The following SNTG1 variants were observed in gnomAD, a reference collection of about 807,000 sequenced individuals.
SNTG1 encodes the protein syntrophin gamma 1.
SNTG1 carries 39 observed loss-of-function variants against 74.7 expected under a neutral mutation model. That is an observed-to-expected ratio of 0.52 (90% CI 0.40 to 0.68). The LOEUF (loss-of-function observed/expected upper bound fraction) is 0.68, where lower values mean the gene tolerates loss of function less well. Ranked by LOEUF, SNTG1 falls within the 30% of genes least tolerant of loss-of-function variation. The probability of loss-of-function intolerance (pLI) is 0.00; values close to 1 mark genes in which losing one functional copy is unlikely to be tolerated. For synonymous variants in SNTG1, 254 were observed against 217.1 expected, an observed-to-expected ratio of 1.17 and a Z score of -1.49; for missense variants, 685 against 609.5, an observed-to-expected ratio of 1.12 and a Z score of -1.30.
At chr8:50,280,891 C>G (rs952704470) in intron 2 of SNTG1, among the ~76,000 whole-genome samples, 1 of 150,222 alleles carries the variant, frequency 6.7e-6, no homozygotes, top group East Asian at 2.0e-4. Flanking sequence ...AGGTGGCTCA[C>G]GCCTGTAATC....
intron 4 of SNTG1, among the ~76,000 whole-genome samples, chr8:50,425,651 G>A (rs191858241): frequency 2.3e-4 from 35 of 152,174 alleles, no homozygotes; most frequent in East Asian, 2.1e-3. Context: ...TGGAAAAATC[G>A]TTTTCCATGA....
intron 17 of SNTG1, among the ~76,000 whole-genome samples, chr8:50,735,333 G>T (rs146856021): frequency 6.6e-6 from 1 of 151,814 alleles, no homozygotes; most frequent in East Asian, 2.0e-4. Flanking sequence ...CCAATCTAAA[G>T]GAGCATGTTC....
chr8:50,368,714 C>T (rs2092188239), intron 2 of SNTG1, among the ~76,000 whole-genome samples: 1 of 152,056 alleles, frequency 6.6e-6, no homozygotes, highest in Admixed American at 6.6e-5. Context: ...AGCTGTTAAC[C>T]AAATGGTTGG....
chr8:50,006,945 G>A (rs561250421), intron 1 of SNTG1, among the ~76,000 whole-genome samples: 68 of 152,226 alleles, frequency 4.5e-4, no homozygotes, highest in Middle Eastern at 6.8e-3. Context: ...CTAGGGTAGG[G>A]GAGTCTTAGG....
At chr8:50,517,601 C>A (rs1585547161) in intron 9 of SNTG1, among the ~76,000 whole-genome samples, 2 of 68,172 alleles carry the variant, frequency 2.9e-5, no homozygotes, top group Non-Finnish European at 2.6e-5. Context: ...GAATATTTAC[C>A]AAGCAAATGG....
intron 5 of SNTG1, among the ~76,000 whole-genome samples, chr8:50,441,920 A>G (rs971974604): frequency 6.6e-6 from 1 of 152,214 alleles, no homozygotes. Context: ...TATAACAGGA[A>G]TGTTTTACCA....
At chr8:50,670,950 C>G (rs1016077961) in intron 15 of SNTG1, among the ~76,000 whole-genome samples, 2 of 151,232 alleles carry the variant, frequency 1.3e-5, no homozygotes, top group Non-Finnish European at 3.0e-5. Flanking sequence ...GGAAAGGATT[C>G]CCTATTTAAT....
chr8:50,148,838 G>C (rs1473827423), intron 1 of SNTG1, among the ~76,000 whole-genome samples: 1 of 152,152 alleles, frequency 6.6e-6, no homozygotes, highest in Admixed American at 6.5e-5. Context: ...TTGCTATTGT[G>C]AATAGTGCTG....
intron 13 of SNTG1, among the ~76,000 whole-genome samples, chr8:50,599,012 G>T (rs914034436): frequency 2.0e-5 from 3 of 151,900 alleles, no homozygotes; most frequent in Admixed American, 2.0e-4. Context: ...TATTTATTGG[G>T]TGCAAGAGGT....
At chr8:50,394,023 TG>T (rs2092696475) in intron 2 of SNTG1, among the ~76,000 whole-genome samples, 188 bp from the exon 3 acceptor site, 1 of 152,200 alleles carries the variant, frequency 6.6e-6, no homozygotes, top group Non-Finnish European at 1.5e-5. Context: ...TCCTAAAAGC[TG>T]GGGATTAAGA....
Position 50,085,898 on chromosome 8 carries a change from G to A in SNTG1, c.-102-86663G>A, listed in dbSNP as rs150559047. On this transcript the variant is annotated intron_variant, in intron 1 of 18. Coordinates refer to ENST00000642720, the MANE Select transcript of SNTG1 (RefSeq NM_018967.5). ...CACTGAAATCGGAATCTCTGACACT[G>A]GGGCCTTGTCAATGGTATCTTTTAT... 4.9e-3 allele frequency among the ~76,000 whole-genome samples: 740 copies of A among 152,246 alleles called. 4 individuals carry two copies. Among genetic ancestry groups the A allele is most frequent in the African/African-American group, 0.015 (619 of 41,532 alleles).
chr8:50,634,627 G>T (rs2095026974), intron 13 of SNTG1, among the ~76,000 whole-genome samples: 1 of 152,134 alleles, frequency 6.6e-6, no homozygotes, highest in African/African-American at 2.4e-5. Context: ...TCACAACAAA[G>T]ATATTGAAAT....
chr8:50,279,147 C>T (rs2088290258), intron 2 of SNTG1, among the ~76,000 whole-genome samples: 1 of 151,930 alleles, frequency 6.6e-6, no homozygotes, highest in African/African-American at 2.4e-5. Flanking sequence ...TGGTCGACAC[C>T]TAAATAATTT....
At chr8:50,771,677 A>G (rs1455521586) in intron 18 of SNTG1, among the ~76,000 whole-genome samples, 1 of 152,044 alleles carries the variant, frequency 6.6e-6, no homozygotes, top group Non-Finnish European at 1.5e-5. Context: ...AATAATGGGG[A>G]AAATCCCTAA....
chr8:50,603,110 A>G (rs866786143), intron 13 of SNTG1, among the ~76,000 whole-genome samples: 9 of 152,124 alleles, frequency 5.9e-5, no homozygotes, highest in Non-Finnish European at 1.3e-4. Flanking sequence ...TTCCACTCTT[A>G]TCTCTTTCTC....
intron 2 of SNTG1, among the ~76,000 whole-genome samples, chr8:50,180,034 T>A (rs180816546): frequency 3.0e-4 from 45 of 152,204 alleles, no homozygotes; most frequent in South Asian, 6.2e-4. Context: ...CAACCCTAAC[T>A]GTTCATAGAT....
intron 17 of SNTG1, among the ~76,000 whole-genome samples, chr8:50,735,600 C>G (rs1301244534): frequency 6.6e-6 from 1 of 151,868 alleles, no homozygotes; most frequent in Non-Finnish European, 1.5e-5. Context: ...ATGATCGAAG[C>G]CTCCAAGAAA....
chr8:50,618,605 C>A (rs2094900083), intron 13 of SNTG1, among the ~76,000 whole-genome samples: 2 of 152,166 alleles, frequency 1.3e-5, no homozygotes, highest in South Asian at 4.1e-4. Context: ...AGGCTGCAAT[C>A]AAGTTGTTTG....
chr8:49,918,350 T>C (rs1252496955), intron 1 of SNTG1, among the ~76,000 whole-genome samples: 1 of 152,188 alleles, frequency 6.6e-6, no homozygotes, highest in Admixed American at 6.5e-5. Context: ...TTCCAGCTAC[T>C]GTTTTTGCCC....
Sources: allele counts gnomAD v4.1 joint callset (sites outside exome capture counted in the v4.1 genomes callset), GRCh38; gene constraint gnomAD v4.1.1; transcripts MANE v1.5; gene names NCBI Gene and HGNC (gene_info 2026-07-23, HGNC 2026-07-21).